Variants in SMARCA5 observed in about 807,000 individuals in gnomAD.
SMARCA5 encodes the protein SWI/SNF-related matrix-associated actin-dependent regulator of chromatin subfamily A member 5.
In SMARCA5, 18 loss-of-function variants were observed where a neutral mutation model predicts 140.4. The ratio of observed to expected loss-of-function variants is 0.13; its 90% CI spans 0.09 to 0.19. The LOEUF is 0.19. Ranked by LOEUF, SMARCA5 falls within the 10% of genes least tolerant of loss-of-function variation. The pLI is 1.00. For missense variants in SMARCA5, 606 were observed against 1,276.8 expected (o/e 0.47, Z 8.01); for synonymous variants, 449 against 419.6 (o/e 1.07, Z -0.86).
intron 23 of SMARCA5, among the ~76,000 whole-genome samples, chr4:143,550,796 A>G (rs150434443): frequency 5.9e-5 from 9 of 152,210 alleles, no homozygotes; most frequent in Non-Finnish European, 1.2e-4. Flanking sequence ...TCTATTGTGT[A>G]TACATACCAT....
intron 9 of SMARCA5, 114 bp downstream of exon 9, chr4:143,530,640 C>A: frequency 1.5e-6 from 1 of 655,722 alleles, no homozygotes; most frequent in Non-Finnish European, 2.6e-6. Context: ...AGAATCAGAT[C>A]TGCTTGAATT....
chr4:143,538,680 T>G lies in SMARCA5; in HGVS notation c.1586T>G (p.Leu529Trp). Residue 529 changes from leucine to tryptophan, a missense_variant, in exon 12 of 24, where the codon TTG becomes TGG. Around this residue, in one of 10 missense-constraint regions of SMARCA5, gnomAD observed 68 missense variants for 126.9 expected, o/e 0.54. Transcript: ENST00000283131. The part of the protein sequence containing the change: ...CMWRNYEYCR[L>W]DGQTPHDERQ... ...TGGAGAAATTATGAGTACTGCAGGT[T>G]GGATGGTCAGACACCCCATGATGAG... 1 of 1,614,036 alleles carries G rather than the reference T, an allele frequency of 6.2e-7. No individual in the cohort carries two copies. Among genetic ancestry groups the G allele is most frequent in the Non-Finnish European group, 8.5e-7 (1 of 1,179,924 alleles).
chr4:143,530,458 G>A lies in SMARCA5; in HGVS notation c.1090G>A (p.Asp364Asn). 1 of 1,608,032 alleles carries A rather than the reference G, an allele frequency of 6.2e-7. No individual in the cohort carries two copies. The highest frequency in any genetic ancestry group is 8.5e-7 in the Non-Finnish European group (1 of 1,176,350). ...LLPDVFNSADDFDSWFDTNNC... is the reference protein window; with the variant it reads ...LLPDVFNSADNFDSWFDTNNC... ...GTATATTTTTTGTTTGTTTATCTAGGACTTTGATTCCTGGTTTGATACAAA... is the reference window on the plus strand; with the variant it reads ...GTATATTTTTTGTTTGTTTATCTAGAACTTTGATTCCTGGTTTGATACAAA... Residue 364 changes from aspartate to asparagine, a missense_variant and splice_region_variant, in exon 9 of 24, where the codon GAC (aspartate) becomes AAC (asparagine). Physicochemically the swap from Asp to Asn is conservative, Grantham distance 23. This residue lies in a region of SMARCA5 where 15 missense variants were observed against 27.4 expected (regional missense o/e 0.55). Transcript: ENST00000283131.
chr4:143,526,024 T>C (rs762672904), intron 5 of SMARCA5, among the ~76,000 whole-genome samples: 2 of 152,256 alleles, frequency 1.3e-5, no homozygotes, highest in Admixed American at 6.5e-5. Context: ...TGTGTTTCAA[T>C]GCTAGCTCTG....
Position 143,543,595 on chromosome 4 carries a change from T to G in SMARCA5, c.1990T>G (p.Ser664Ala). Residue 664 changes from serine (S) to alanine (A), a missense_variant, in exon 15 of 24, where the codon TCA becomes GCA. This residue lies in a region of SMARCA5 where 62 missense variants were observed against 256.6 expected (regional missense o/e 0.24). Transcript: ENST00000283131. ...IRHGATHVFASKESEITDEDI... is the reference protein window; with the variant it reads ...IRHGATHVFAAKESEITDEDI... ...ACATGGAGCAACACATGTGTTTGCT[T>G]CAAAGGAAAGTGAGATCACTGATGA... 1 of 1,613,112 alleles carries G rather than the reference T, an allele frequency of 6.2e-7. No homozygotes were observed. Among genetic ancestry groups the G allele is most frequent in the Non-Finnish European group, 8.5e-7 (1 of 1,179,338 alleles).
At chr4:143,538,465 TTTCCC>T in intron 11 of SMARCA5, 120 bp from the exon 12 acceptor site, 1 of 713,552 alleles carries the variant, frequency 1.4e-6, no homozygotes, top group Non-Finnish European at 2.4e-6. Context: ...TGTAGATTTT[TTTCCC>T]CCTTGTAACC....
chr4:143,541,543 A>G (rs1424925725), intron 14 of SMARCA5, among the ~76,000 whole-genome samples: 3 of 152,208 alleles, frequency 2.0e-5, no homozygotes, highest in Non-Finnish European at 2.9e-5. Context: ...AGTGTGCTAT[A>G]TACTTAACAT....
intron 10 of SMARCA5, among the ~76,000 whole-genome samples, chr4:143,535,901 C>G (rs577534073): frequency 6.6e-6 from 1 of 152,172 alleles, no homozygotes; most frequent in African/African-American, 2.4e-5. Flanking sequence ...CTTCACAGTC[C>G]TGCCTCACAG....
intron 2 of SMARCA5, among the ~76,000 whole-genome samples, chr4:143,520,493 T>C (rs775112246): frequency 7.2e-5 from 11 of 152,230 alleles, no homozygotes; most frequent in Non-Finnish European, 1.5e-4. Context: ...CTTCAGTTTT[T>C]ACATTGGTGT....
chr4:143,528,771 T>G, intron 8 of SMARCA5, 57 bp downstream of exon 8: 1 of 1,521,816 alleles, frequency 6.6e-7, no homozygotes, highest in East Asian at 2.3e-5. Flanking sequence ...ATGCTATATA[T>G]TTTTGTAATA....
chr4:143,553,061 A>G, intron 23 of SMARCA5, 58 bp from the exon 24 acceptor site: 1 of 1,273,434 alleles, frequency 7.9e-7, no homozygotes, highest in South Asian at 1.2e-5. Context: ...ATGTGTCTGC[A>G]ACTATATTTC....
Position 143,538,731 on chromosome 4 carries a change from G to C in SMARCA5, c.1617+20G>C, listed in dbSNP as rs1737365581. The C allele has an allele frequency of 6.2e-7, 1 of 1,613,396 alleles. No homozygotes were observed. Among genetic ancestry groups the C allele is most frequent in the Admixed American group, 1.7e-5 (1 of 59,916 alleles). On this transcript the variant is annotated intron_variant, in intron 12 of 23. Coordinates refer to ENST00000283131, the MANE Select transcript of SMARCA5 (RefSeq NM_003601.4). ...AGACAAGTGAGTAAAATTTGGGGAG[G>C]GAGATAAAAAAGAATCAGATAAATT...
chr4:143,517,318 C>A, intron 1 of SMARCA5, 37 bp from the exon 2 acceptor site: 1 of 1,480,484 alleles, frequency 6.8e-7, no homozygotes, highest in South Asian at 1.2e-5. Context: ...TTACTATTTT[C>A]GAAGACCAAT....
chr4:143,538,845 G>T lies in SMARCA5; in HGVS notation c.1677G>T (p.Thr559=), dbSNP rs61761959. 2.5e-6 allele frequency: 4 copies of T among 1,613,842 alleles called. No individual in the cohort carries two copies. In the African/African-American group the frequency reaches 4.0e-5, roughly 16 times the overall value. ...CAAAGTTTGTTTTCATGTTAAGCAC[G>T]CGTGCTGGTGGTCTTGGCATCAATC... The part of the protein sequence containing the change: ...NSTKFVFMLS[T]RAGGLGINLA... The change falls in exon 13 of 24, where the codon ACG becomes ACT. Residue 559 remains threonine (T), a synonymous_variant. Transcript: ENST00000283131.
intron 2 of SMARCA5, among the ~76,000 whole-genome samples, chr4:143,520,210 T>G (rs1736928177): frequency 6.6e-6 from 1 of 152,196 alleles, no homozygotes; most frequent in Non-Finnish European, 1.5e-5. Context: ...AAACATCTTG[T>G]AGATGCGTGC....
chr4:143,520,327 A>G (rs1353605237), intron 2 of SMARCA5, among the ~76,000 whole-genome samples: 2 of 152,218 alleles, frequency 1.3e-5, no homozygotes, highest in African/African-American at 2.4e-5. Flanking sequence ...GTAATCTTGG[A>G]AAACATAAAT....
At chr4:143,541,300 A>G (rs996822920) in intron 14 of SMARCA5, among the ~76,000 whole-genome samples, 1 of 152,146 alleles carries the variant, frequency 6.6e-6, no homozygotes, top group East Asian at 1.9e-4. Flanking sequence ...GTGAGCATGT[A>G]TTTACTATCT....
At chr4:143,524,509 G>A (rs748018715) in intron 4 of SMARCA5, 42 bp downstream of exon 4, 3 of 1,297,376 alleles carry the variant, frequency 2.3e-6, no homozygotes, top group East Asian at 4.7e-5. Context: ...ATTGCCCTTT[G>A]AGATCTCCTT....
chr4:143,555,477 ACACAGGGTTT>A lies in SMARCA5; in HGVS notation c.*2296_*2305del. The A allele has an allele frequency of 1.9e-6, 1 of 513,624 alleles. No homozygotes were observed. The highest frequency in any genetic ancestry group is 1.9e-5 in the South Asian group (1 of 52,026). The allele number at this position is 513,624 out of a possible 1,614,324, so 31.8% of individuals were successfully genotyped here. On this transcript the variant is annotated 3_prime_UTR_variant, in exon 24 of 24. Coordinates refer to ENST00000283131, the MANE Select transcript of SMARCA5 (RefSeq NM_003601.4). ...GTTCTGTGGAAAGTAAAGCATTCCA[ACACAGGGTTT>A]CAGTGTAGATTGTTTTGTTTTGTAC...
Sources: gnomAD v4.1 joint callset for allele counts (sites outside exome capture counted in the v4.1 genomes callset) on GRCh38, gnomAD v4.1.1 for gene constraint, gnomAD v4.1.1 regional missense constraint, MANE v1.5 for transcripts, NCBI Gene and HGNC (gene_info 2026-07-23, HGNC 2026-07-21) for gene names.